The following EPN2 variants were observed in gnomAD, a reference collection of about 807,000 sequenced individuals.
EPN2 encodes the protein epsin 2, also known as epsin-2.
In EPN2, 34 loss-of-function variants were observed where a neutral mutation model predicts 61.7. That is an observed-to-expected ratio of 0.55 (90% CI 0.42 to 0.73). The LOEUF (loss-of-function observed/expected upper bound fraction) is 0.73. Among genes scored for constraint, EPN2 ranks in the 30% least tolerant of loss-of-function variants. The pLI, the probability that EPN2 is intolerant of heterozygous loss-of-function variation, is 0.00. For missense variants in EPN2, 714 were observed against 839.2 expected (o/e 0.85, Z 1.84); for synonymous variants, 349 against 353.6 (o/e 0.99, Z 0.15).
At chr17:19,328,606 CAGGGCATAGACCCTGGT>C in intron 7 of EPN2, 88 bp from the exon 8 acceptor site, 1 of 1,093,012 alleles carries the variant, frequency 9.1e-7, no homozygotes, top group Non-Finnish European at 1.3e-6. Context: ...TCACCTGGCA[CAGGGCATAGACCCTGGT>C]GTGGCTGGCA....
intron 1 of EPN2, among the ~76,000 whole-genome samples, chr17:19,253,441 G>T (rs962816159): frequency 1.4e-5 from 2 of 138,620 alleles, no homozygotes; most frequent in African/African-American, 2.8e-5. Context: ...TTGATACAGG[G>T]TCTCACTCTG....
chr17:19,309,106 A>G (rs1429834429), intron 4 of EPN2, among the ~76,000 whole-genome samples: 6 of 148,114 alleles, frequency 4.1e-5, no homozygotes, highest in Admixed American at 2.0e-4. Flanking sequence ...ATTTTCCATG[A>G]TCTCGTAGTA....
chr17:19,255,436 C>CTTTATTTATTTATTTA (rs58603139), intron 1 of EPN2, among the ~76,000 whole-genome samples: 30 of 138,264 alleles, frequency 2.2e-4, no homozygotes, highest in South Asian at 2.3e-4. Flanking sequence ...TCTTCATTTA[C>CTTTATTTATTTATTTA]TTTATTTATT....
At chr17:19,249,104 A>G (rs1167506708) in intron 1 of EPN2, among the ~76,000 whole-genome samples, 2 of 152,232 alleles carry the variant, frequency 1.3e-5, no homozygotes, top group Non-Finnish European at 2.9e-5. Context: ...GGTTTGACTC[A>G]TGGGCTGTGG....
chr17:19,250,117 G>A (rs145174364), intron 1 of EPN2, among the ~76,000 whole-genome samples: 3 of 150,240 alleles, frequency 2.0e-5, no homozygotes, highest in Non-Finnish European at 4.4e-5. Context: ...TTTTTCAGAC[G>A]GAGCCTCTCT....
chr17:19,261,464 G>A lies in EPN2; in HGVS notation c.-293-20491G>A, dbSNP rs535618061. Among the ~76,000 whole-genome samples, 297 of 152,222 alleles carry A rather than the reference G, an allele frequency of 2.0e-3. 1 individual carries two copies. The highest frequency in any genetic ancestry group is 7.0e-3 in the African/African-American group (289 of 41,540). ...TCTGAAGGTGTTTTTTATATTTTTG[G>A]AAGGTTAGTTCATTGTCTTATGAGT... is the stretch of plus-strand genomic sequence containing the variant. On this transcript the variant is annotated intron_variant, in intron 1 of 10. Transcript: ENST00000314728.
chr17:19,318,003 TTGTA>T (rs1906468061), intron 7 of EPN2, among the ~76,000 whole-genome samples: 1 of 152,200 alleles, frequency 6.6e-6, no homozygotes, highest in Non-Finnish European at 1.5e-5. Context: ...CCACGGGACT[TTGTA>T]TGTGTCTGGG....
intron 1 of EPN2, among the ~76,000 whole-genome samples, chr17:19,243,156 T>G (rs1044355818): frequency 6.6e-6 from 1 of 151,852 alleles, no homozygotes; most frequent in Non-Finnish European, 1.5e-5. Context: ...GAGGGCTTGC[T>G]GAACACGTGG....
intron 1 of EPN2, among the ~76,000 whole-genome samples, chr17:19,275,484 C>G (rs2045296938): frequency 6.6e-6 from 1 of 152,226 alleles, no homozygotes; most frequent in South Asian, 2.1e-4. Context: ...CATAGGTAAA[C>G]TCTGACTCTG....
rs548747691 is a variant in EPN2, at chr17:19,310,264, C to T, written c.879+267C>T. Among the ~76,000 whole-genome samples the T allele has an allele frequency of 2.0e-5, 3 of 152,274 alleles. No individual in the cohort carries two copies. In the East Asian group the frequency reaches 5.8e-4, roughly 29 times the overall value. On this transcript the variant is annotated intron_variant, in intron 5 of 10. Coordinates refer to ENST00000314728, the MANE Select transcript of EPN2 (RefSeq NM_014964.5). The stretch of plus-strand genomic sequence containing the variant: ...AAAGAAACCAGTTAAAAATGCTTCC[C>T]AGAAACACTTGTGCAGACACGTGTC...
intron 7 of EPN2, among the ~76,000 whole-genome samples, chr17:19,326,261 G>T (rs977157542): frequency 1.3e-5 from 2 of 152,108 alleles, no homozygotes; most frequent in Non-Finnish European, 2.9e-5. Flanking sequence ...CTTCACTTTT[G>T]TTTTTTAACT....
chr17:19,275,402 A>G (rs993007848), intron 1 of EPN2, among the ~76,000 whole-genome samples: 3 of 152,262 alleles, frequency 2.0e-5, no homozygotes, highest in African/African-American at 7.2e-5. Flanking sequence ...ATAGAGGTGC[A>G]GACCACGTGT....
At chr17:19,250,068 GT>G (rs1159405114) in intron 1 of EPN2, among the ~76,000 whole-genome samples, 1 of 151,214 alleles carries the variant, frequency 6.6e-6, no homozygotes, top group Non-Finnish European at 1.5e-5. Flanking sequence ...AGGATACTAT[GT>G]TTTAAAGTCA....
intron 1 of EPN2, among the ~76,000 whole-genome samples, chr17:19,279,539 C>G (rs2045340333): frequency 6.7e-6 from 1 of 150,172 alleles, no homozygotes; most frequent in Non-Finnish European, 1.5e-5. Context: ...CCCGGGTTCA[C>G]GCCATTCTCC....
intron 1 of EPN2, among the ~76,000 whole-genome samples, chr17:19,245,419 CT>C (rs57599278): frequency 0.34 from 46,182 of 134,242 alleles, 12,832 homozygotes; most frequent in East Asian, 0.82. Flanking sequence ...ATTTGGTAGT[CT>C]TTTTTTTTTT....
intron 4 of EPN2, among the ~76,000 whole-genome samples, chr17:19,287,287 G>C (rs960657422): frequency 1.3e-5 from 2 of 152,012 alleles, no homozygotes; most frequent in African/African-American, 4.8e-5. Flanking sequence ...TATCCACCCC[G>C]TGTGGATTTA....
In EPN2 at chr17:19,285,262, T is replaced by G. The variant is rs1192913378; in HGVS notation, c.596-358T>G. Among the ~76,000 whole-genome samples the G allele has an allele frequency of 6.6e-6, 1 of 152,244 alleles. No individual in the cohort carries two copies. The highest frequency in any genetic ancestry group is 1.9e-4 in the East Asian group (1 of 5,196). On this transcript the variant is annotated intron_variant, in intron 3 of 10. Coordinates refer to ENST00000314728, the MANE Select transcript of EPN2 (RefSeq NM_014964.5). The surrounding 1 kb of genome is among the most constrained non-coding windows in gnomAD (Gnocchi z 4.5). Reference sequence around the variant, plus strand: ...TAAGCAAGGAGCTGAAACAGCTTCATGTTCCATGAACAATTTGTGGAACTT... The same window carrying G: ...TAAGCAAGGAGCTGAAACAGCTTCAGGTTCCATGAACAATTTGTGGAACTT...
At chr17:19,240,479 C>T (rs1330330467) in intron 1 of EPN2, among the ~76,000 whole-genome samples, 1 of 152,154 alleles carries the variant, frequency 6.6e-6, no homozygotes, top group Non-Finnish European at 1.5e-5. Flanking sequence ...CTCCTGACTT[C>T]AAGTGATCCA....
chr17:19,333,877 C>G (rs79962512), intron 10 of EPN2, 79 bp from the exon 11 acceptor site: 1 of 1,274,424 alleles, frequency 7.8e-7, no homozygotes, highest in Non-Finnish European at 1.1e-6. Flanking sequence ...CCAGAACACC[C>G]GCATGCAGTC....
Sources: allele counts gnomAD v4.1 joint callset (sites outside exome capture counted in the v4.1 genomes callset), GRCh38; gene constraint gnomAD v4.1.1; non-coding constraint Gnocchi (gnomAD v3.1); transcripts MANE v1.5; gene names NCBI Gene and HGNC (gene_info 2026-07-23, HGNC 2026-07-21).